The following EPDR1 variants were observed in gnomAD, a reference collection of about 807,000 sequenced individuals.
The protein encoded by EPDR1 is mammalian ependymin-related protein 1.
EPDR1 carries 27 observed loss-of-function variants against 23.7 expected under a neutral mutation model. The ratio of observed to expected loss-of-function variants is 1.14; its 90% CI spans 0.84 to 1.57. The LOEUF is 1.57. Ranked by LOEUF, EPDR1 falls within the 40% of genes most tolerant of loss-of-function variation. The pLI is 0.00. For missense variants in EPDR1, 349 were observed against 290.4 expected (o/e 1.20, Z -1.47); for synonymous variants, 137 against 118.2 (o/e 1.16, Z -1.03).
rs1224525878 is a variant in EPDR1, at chr7:37,920,857, C to A, written c.-83C>A. On this transcript the variant is annotated 5_prime_UTR_variant, in exon 1 of 3. Transcript: ENST00000199448. Reference sequence around the variant, plus strand: ...CACTCCCGGCACAGTGCGGAAAGAGCCGGCGGGAGCCACTCTGATCCCGGA... The same window carrying A: ...CACTCCCGGCACAGTGCGGAAAGAGACGGCGGGAGCCACTCTGATCCCGGA... 3 of 1,610,262 alleles carry A rather than the reference C, an allele frequency of 1.9e-6. No individual in the cohort carries two copies. In the Admixed American group the frequency reaches 5.0e-5, roughly 27 times the overall value.
chr7:37,943,768 A>T (rs775083827), intron 1 of EPDR1, among the ~76,000 whole-genome samples: 2 of 152,220 alleles, frequency 1.3e-5, no homozygotes, highest in Non-Finnish European at 2.9e-5. Flanking sequence ...TGTTCAGACC[A>T]CCCAGATTTA....
chr7:37,942,618 A>G (rs571794745), intron 1 of EPDR1, among the ~76,000 whole-genome samples: 11 of 152,294 alleles, frequency 7.2e-5, no homozygotes, highest in African/African-American at 2.6e-4. Flanking sequence ...AAAAATTTAG[A>G]TATAAAAATT....
In EPDR1 at chr7:37,948,950, T is replaced by G. The variant is rs1166011759; in HGVS notation, c.380T>G (p.Ile127Ser). The G allele has an allele frequency of 6.2e-7, 1 of 1,614,106 alleles. No homozygotes were observed. Among genetic ancestry groups the G allele is most frequent in the Middle Eastern group, 1.6e-4 (1 of 6,062 alleles). ...TLTQPWDPLD[I>S]PQNSTFEDQY... Reference sequence around the variant, plus strand: ...ACACAGCCCTGGGATCCTCTTGACATTCCTCAAAACTCCACCTTTGAAGAC... The same window carrying G: ...ACACAGCCCTGGGATCCTCTTGACAGTCCTCAAAACTCCACCTTTGAAGAC... Residue 127 changes from isoleucine (I) to serine (S), a missense_variant, in exon 2 of 3, where the codon ATT (isoleucine) becomes AGT (serine). Coordinates refer to ENST00000199448, the MANE Select transcript of EPDR1 (RefSeq NM_017549.5).
At chr7:37,948,709 G>A (rs3816415) in intron 1 of EPDR1, 131 bp from the exon 2 acceptor site, 82,137 of 685,672 alleles carry the variant, frequency 0.12, 4,957 homozygotes, top group Admixed American at 0.15. Context: ...GTTTATAAAC[G>A]TTAAGTGATT....
rs1325415758 is a variant in EPDR1, at chr7:37,950,320, AC to A, written c.603del (p.Ser202ArgfsTer17). The A allele has an allele frequency of 3.7e-6, 6 of 1,613,738 alleles. No individual in the cohort carries two copies. The highest frequency in any genetic ancestry group is 4.2e-6 in the Non-Finnish European group (5 of 1,179,920). Reference protein sequence around the residue: ...RFFDIQLGIKDPSVFTPPSTC... With the variant: ...RFFDIQLGIKXPSVFTPPSTC... ...TTTGACATCCAGCTGGGTATTAAAG[AC>A]CCCTCGGTGTTTACCCCTCCAAGCA... On this transcript the variant is annotated frameshift_variant, in exon 3 of 3. Coordinates refer to ENST00000199448, the MANE Select transcript of EPDR1 (RefSeq NM_017549.5). LOFTEE classifies it high-confidence loss of function.
intron 1 of EPDR1, among the ~76,000 whole-genome samples, chr7:37,931,898 A>C (rs182692084): frequency 1.7e-4 from 26 of 152,064 alleles, no homozygotes; most frequent in Non-Finnish European, 3.1e-4. Context: ...GTAGTAGAGA[A>C]AGGGTTTCAC....
chr7:37,921,282 G>T, intron 1 of EPDR1, 74 bp downstream of exon 1: 8 of 1,499,532 alleles, frequency 5.3e-6, no homozygotes, highest in Non-Finnish European at 7.0e-6. Flanking sequence ...GCAGAGGCCT[G>T]CGCCCTGTAA....
intron 1 of EPDR1, among the ~76,000 whole-genome samples, chr7:37,941,183 C>T (rs1486558633): frequency 6.6e-6 from 1 of 152,124 alleles, no homozygotes. Flanking sequence ...ACTCAATAGA[C>T]TAAGATAGAT....
At position 37,921,132 on chromosome 7, in the gene EPDR1, G is replaced by C. The variant is rs762207845; in HGVS notation, c.193G>C (p.Ala65Pro). Residue 65 changes from alanine to proline, a missense_variant, in exon 1 of 3, where the codon GCC becomes CCC. Coordinates refer to ENST00000199448, the MANE Select transcript of EPDR1 (RefSeq NM_017549.5). ...YQQSSGRNSR[A>P]LLSYDGLNQR... ...GCAAAGTAGCGGGCGCAACAGCCGC[G>C]CCCTGCTCTCCTACGACGGGCTCAA... The C allele has an allele frequency of 6.3e-7, 1 of 1,595,756 alleles. No individual in the cohort carries two copies. Among genetic ancestry groups the C allele is most frequent in the East Asian group, 2.2e-5 (1 of 44,480 alleles).
intron 1 of EPDR1, among the ~76,000 whole-genome samples, chr7:37,933,131 A>G (rs1054764514): frequency 1.3e-5 from 2 of 152,248 alleles, no homozygotes; most frequent in African/African-American, 4.8e-5. Flanking sequence ...ATGTCTCATA[A>G]TCATTGCAGG....
chr7:37,923,510 G>A (rs1015593944), intron 1 of EPDR1, among the ~76,000 whole-genome samples: 1 of 152,062 alleles, frequency 6.6e-6, no homozygotes, highest in Non-Finnish European at 1.5e-5. Context: ...TCTAATTAAG[G>A]GTGCATTGGT....
chr7:37,947,381 C>T (rs896836112), intron 1 of EPDR1, among the ~76,000 whole-genome samples: 2 of 152,156 alleles, frequency 1.3e-5, no homozygotes, highest in Admixed American at 6.5e-5. Flanking sequence ...CTATGATGTT[C>T]GTGCAGTGAT....
intron 1 of EPDR1, among the ~76,000 whole-genome samples, chr7:37,937,984 A>ATTTTTTTT (rs1347900474): frequency 3.2e-5 from 2 of 62,276 alleles, no homozygotes; most frequent in African/African-American, 1.2e-4. Flanking sequence ...GTGCCCTTTA[A>ATTTTTTTT]ATTTTTTTTT....
At chr7:37,936,922 T>C (rs1484431300) in intron 1 of EPDR1, among the ~76,000 whole-genome samples, 3 of 152,068 alleles carry the variant, frequency 2.0e-5, no homozygotes, top group Non-Finnish European at 2.9e-5. Flanking sequence ...CTAAATTTCA[T>C]ATGGAAAAAT....
At chr7:37,923,932 C>T (rs1240266298) in intron 1 of EPDR1, among the ~76,000 whole-genome samples, 1 of 152,172 alleles carries the variant, frequency 6.6e-6, no homozygotes, top group African/African-American at 2.4e-5. Flanking sequence ...TTGGTCCCAT[C>T]GCTACCACTA....
Position 37,921,549 on chromosome 7 carries a change from A to T in EPDR1, c.269+341A>T, listed in dbSNP as rs909616695. On this transcript the variant is annotated intron_variant, in intron 1 of 2. Transcript: ENST00000199448. ...CGCTGCTGAGTCAGGCTCTGGGCTCATGGAGCCCCCTGCAGTCTAGGGCGT... is the reference window on the plus strand; with the variant it reads ...CGCTGCTGAGTCAGGCTCTGGGCTCTTGGAGCCCCCTGCAGTCTAGGGCGT... 4.6e-5 allele frequency: 56 copies of T among 1,229,842 alleles called. 1 individual carries two copies. The South Asian group carries it at 9.9e-4, about 22-fold the overall frequency. 76.2% of individuals were successfully genotyped at this position (1,229,842 alleles called of 1,614,324 possible).
Position 37,921,221 on chromosome 7 carries a change from G to T in EPDR1, c.269+13G>T. 6.4e-7 allele frequency: 1 copy of T among 1,574,428 alleles called. No individual in the cohort carries two copies. ...TCCCCTGCAAGAGGTACAGGTCATCGGCCCGCGGGGCGGGAGTAGGGAGCC... is the reference window on the plus strand; with the variant it reads ...TCCCCTGCAAGAGGTACAGGTCATCTGCCCGCGGGGCGGGAGTAGGGAGCC... On this transcript the variant is annotated intron_variant, in intron 1 of 2. Coordinates refer to ENST00000199448, the MANE Select transcript of EPDR1 (RefSeq NM_017549.5).
chr7:37,947,149 G>C (rs1786292602), intron 1 of EPDR1, among the ~76,000 whole-genome samples: 1 of 152,088 alleles, frequency 6.6e-6, no homozygotes, highest in Non-Finnish European at 1.5e-5. Context: ...TCCATTCATG[G>C]CAAGTACCCT....
Position 37,923,048 on chromosome 7 carries a change from A to C in EPDR1, c.269+1840A>C, listed in dbSNP as rs375603645. 2.6e-5 allele frequency among the ~76,000 whole-genome samples: 4 copies of C among 152,144 alleles called. No individual in the cohort carries two copies. In the East Asian group the frequency reaches 5.8e-4, roughly 22 times the overall value. On this transcript the variant is annotated intron_variant, in intron 1 of 2. Coordinates refer to ENST00000199448, the MANE Select transcript of EPDR1 (RefSeq NM_017549.5). The stretch of plus-strand genomic sequence containing the variant: ...GTTTTTAGAGCTGAGTAAATTCCAA[A>C]AACCACAGACCACTCACTATTAGGG...
Sources: allele counts gnomAD v4.1 joint callset (sites outside exome capture counted in the v4.1 genomes callset), GRCh38; gene constraint gnomAD v4.1.1; transcripts MANE v1.5; gene names NCBI Gene and HGNC (gene_info 2026-07-23, HGNC 2026-07-21).